WWC1: variants seen among roughly 807,000 people sequenced by gnomAD.
WWC1 encodes the protein WW and C2 domain containing 1, also known as protein KIBRA.
A neutral mutation model predicts 138.4 loss-of-function variants in WWC1; 55 were observed. That is an observed-to-expected ratio of 0.40 (90% confidence interval 0.32 to 0.50). The LOEUF (loss-of-function observed/expected upper bound fraction) is 0.50, where lower values mean the gene tolerates loss of function less well. Among genes scored for constraint, WWC1 ranks in the 20% least tolerant of loss-of-function variants. The pLI is 0.72. For missense variants in WWC1, 1,226 were observed against 1,420.4 expected, an observed-to-expected ratio of 0.86 and a Z score of 2.20; for synonymous variants, 524 against 564.9, an observed-to-expected ratio of 0.93 and a Z score of 1.03.
At chr5:168,423,123 C>T (rs1440401399) in intron 10 of WWC1, among the ~76,000 whole-genome samples, 17 of 118,218 alleles carry the variant, frequency 1.4e-4, no homozygotes, top group Non-Finnish European at 1.9e-4. Flanking sequence ...TCCAGCCTGG[C>T]GACAGAGCAA....
chr5:168,421,322 ACACCAC>A (rs1477622245), intron 9 of WWC1, among the ~76,000 whole-genome samples: 1 of 152,206 alleles, frequency 6.6e-6, no homozygotes, highest in Non-Finnish European at 1.5e-5. Context: ...GGCAGGGTAC[ACACCAC>A]CAGTCTCAGC....
intron 1 of WWC1, among the ~76,000 whole-genome samples, chr5:168,341,409 A>AC (rs1437657281): frequency 6.6e-6 from 1 of 151,982 alleles, no homozygotes; most frequent in Non-Finnish European, 1.5e-5. Flanking sequence ...ATTACTCAGC[A>AC]CCCCATAGGC....
intron 2 of WWC1, among the ~76,000 whole-genome samples, chr5:168,376,688 A>G (rs1316476865): frequency 1.7e-5 from 2 of 119,580 alleles, no homozygotes; most frequent in Non-Finnish European, 3.6e-5. Context: ...CAGTAGCCAC[A>G]CACAAAAAAA....
rs1475007079 is a variant in WWC1, at chr5:168,326,775, T to G, written c.119+34504T>G. On this transcript the variant is annotated intron_variant, in intron 1 of 22. Transcript: ENST00000265293. ...GGCTGGTCTTGAACTCCTGACCTCA[T>G]GATCTGCCTGCCTCAGCCTCCCAAA... 1.1e-4 allele frequency among the ~76,000 whole-genome samples: 17 copies of G among 150,722 alleles called. 1 individual carries two copies. Among genetic ancestry groups the G allele is most frequent in the Admixed American group, 1.1e-3 (17 of 15,140 alleles).
At chr5:168,409,291 T>G (rs753331421) in intron 7 of WWC1, among the ~76,000 whole-genome samples, 10 of 152,116 alleles carry the variant, frequency 6.6e-5, no homozygotes, top group Non-Finnish European at 1.5e-4. Context: ...TGTTCCTATC[T>G]AAGTTCCATA....
intron 1 of WWC1, among the ~76,000 whole-genome samples, chr5:168,362,535 A>G (rs1775958521): frequency 6.6e-6 from 1 of 152,210 alleles, no homozygotes; most frequent in African/African-American, 2.4e-5. Flanking sequence ...AAGGTGTGCT[A>G]AGTCCGTTTT....
At chr5:168,370,426 G>A (rs1006351708) in intron 1 of WWC1, among the ~76,000 whole-genome samples, 14 of 152,314 alleles carry the variant, frequency 9.2e-5, no homozygotes, top group South Asian at 8.3e-4. Flanking sequence ...GTCATCTCCC[G>A]TCCTGTCCCG....
chr5:168,319,468 T>A (rs2152756821), intron 1 of WWC1, among the ~76,000 whole-genome samples: 1 of 152,326 alleles, frequency 6.6e-6, no homozygotes, highest in African/African-American at 2.4e-5. Flanking sequence ...TTCCATTCTG[T>A]TAGGTACATA....
At chr5:168,378,845 C>T (rs945623081) in intron 2 of WWC1, among the ~76,000 whole-genome samples, 1 of 152,142 alleles carries the variant, frequency 6.6e-6, no homozygotes, top group African/African-American at 2.4e-5. Flanking sequence ...TGAATATTCT[C>T]CAGATGTTTT....
At chr5:168,386,815 A>G (rs1490284795) in intron 3 of WWC1, among the ~76,000 whole-genome samples, 1 of 151,522 alleles carries the variant, frequency 6.6e-6, no homozygotes, top group Non-Finnish European at 1.5e-5. Flanking sequence ...ACGTCCAGCT[A>G]AGTTTTGTAT....
intron 17 of WWC1, among the ~76,000 whole-genome samples, chr5:168,450,125 A>G (rs958555453): frequency 3.9e-5 from 6 of 152,202 alleles, no homozygotes; most frequent in African/African-American, 1.4e-4. Context: ...GCTCAGTATG[A>G]TAACACTGTC....
chr5:168,466,980 G>A (rs1345636779), intron 21 of WWC1, among the ~76,000 whole-genome samples: 2 of 152,284 alleles, frequency 1.3e-5, no homozygotes, highest in East Asian at 3.9e-4. Flanking sequence ...GATGGCTTTA[G>A]GCCGGACGCG....
chr5:168,373,956 G>T (rs972358121), intron 2 of WWC1, among the ~76,000 whole-genome samples: 1 of 148,754 alleles, frequency 6.7e-6, no homozygotes, highest in Non-Finnish European at 1.5e-5. Flanking sequence ...TGAGGCAGGA[G>T]AATGGCATGA....
Position 168,435,413 on chromosome 5 carries a change from CA to C in WWC1, c.2280+3976del, listed in dbSNP as rs1782274367. ...TATTTCTCCCATGCTCAAAACAAAA[CA>C]AAAAAATTTTTTTTGACAGAGGATC... On this transcript the variant is annotated intron_variant, in intron 15 of 22. Transcript: ENST00000265293. Among the ~76,000 whole-genome samples, 3 of 152,100 alleles carry C rather than the reference CA, an allele frequency of 2.0e-5. No homozygotes were observed. In the South Asian group the frequency reaches 6.2e-4, roughly 32 times the overall value.
intron 9 of WWC1, chr5:168,416,090 C>T (rs891971804): frequency 1.3e-5 from 2 of 151,984 alleles, no homozygotes; most frequent in African/African-American, 4.8e-5. Flanking sequence ...CTGAGTAGGC[C>T]CCACTTGCAC....
At chr5:168,437,777 T>C (rs1369121108) in intron 15 of WWC1, among the ~76,000 whole-genome samples, 1 of 152,206 alleles carries the variant, frequency 6.6e-6, no homozygotes, top group Non-Finnish European at 1.5e-5. Context: ...CTGGAGGTGT[T>C]ACACCTCAAA....
chr5:168,446,303 C>T (rs1233390752), intron 17 of WWC1, among the ~76,000 whole-genome samples: 9 of 146,746 alleles, frequency 6.1e-5, no homozygotes, highest in Non-Finnish European at 1.2e-4. Context: ...ATGCTATTGC[C>T]GAAGAGAGAC....
At chr5:168,409,793 G>A (rs775867859) in intron 7 of WWC1, 129 bp from the exon 8 acceptor site, 1 of 899,132 alleles carries the variant, frequency 1.1e-6, no homozygotes, top group Non-Finnish European at 1.8e-6. Flanking sequence ...TGCACCGCCA[G>A]CCCAGTCACC....
At position 168,291,887 on chromosome 5, in the gene WWC1, G is replaced by A. The variant is rs1769078922; in HGVS notation, c.-266G>A. 6.3e-6 allele frequency: 1 copy of A among 157,820 alleles called. No homozygotes were observed. The allele number at this position is 157,820 out of a possible 1,614,324, so 9.8% of individuals were successfully genotyped here. ...TGCCCGGCCGGCTGGGCGCGCACCC[G>A]GGCTCGCACCGCGCCGCTGCGGACG... On this transcript the variant is annotated 5_prime_UTR_variant, in exon 1 of 23. Transcript: ENST00000265293.
Sources: allele counts gnomAD v4.1 joint callset (sites outside exome capture counted in the v4.1 genomes callset), GRCh38; gene constraint gnomAD v4.1.1; transcripts MANE v1.5; gene names NCBI Gene and HGNC (gene_info 2026-07-23, HGNC 2026-07-21).